The following MORC3 variants were observed in gnomAD, a reference collection of about 807,000 sequenced individuals.
The protein encoded by MORC3 is MORC family CW-type zinc finger 3, also known as MORC family CW-type zinc finger protein 3.
A neutral mutation model predicts 109.1 loss-of-function variants in MORC3; 31 were observed. The observed-to-expected ratio is 0.28, with a 90% confidence interval of 0.21 to 0.38. The LOEUF (loss-of-function observed/expected upper bound fraction) is 0.38, where lower values mean the gene tolerates loss of function less well. Among genes scored for constraint, MORC3 ranks in the 10% least tolerant of loss-of-function variants. MORC3 has a pLI of 1.00. For missense variants in MORC3, 867 were observed against 1,135.8 expected (o/e 0.76, Z 3.40); for synonymous variants, 395 against 380.7 (o/e 1.04, Z -0.44).
chr21:36,326,747 G>A (rs748868586), intron 1 of MORC3, among the ~76,000 whole-genome samples: 3 of 151,696 alleles, frequency 2.0e-5, no homozygotes, highest in Non-Finnish European at 2.9e-5. Context: ...TGTAGTGTGC[G>A]TTAGGATTTC....
chr21:36,371,791 G>A (rs2085870754), intron 15 of MORC3, among the ~76,000 whole-genome samples: 1 of 150,850 alleles, frequency 6.6e-6, no homozygotes. Flanking sequence ...TTAGTATCTT[G>A]GTTTTTCTGT....
chr21:36,339,181 G>A (rs938792757), intron 5 of MORC3: 17 of 260,268 alleles, frequency 6.5e-5, no homozygotes, highest in Admixed American at 5.2e-4. Context: ...ATGCGATGGC[G>A]CAATCTCAGC....
In MORC3 at chr21:36,332,313, G is replaced by A. The variant is rs369894085; in HGVS notation, c.40-1333G>A. 2.6e-4 allele frequency among the ~76,000 whole-genome samples: 40 copies of A among 152,252 alleles called. No homozygotes were observed. The East Asian group carries it at 5.6e-3, about 21-fold the overall frequency. On this transcript the variant is annotated intron_variant, in intron 1 of 16. Transcript: ENST00000400485. The stretch of plus-strand genomic sequence containing the variant: ...TAGCCATGTGTGGTGGTGCGCACCT[G>A]TAATCCCAGCAACTCGGGAGTCTGA...
At chr21:36,360,467 C>T (rs565626015) in intron 12 of MORC3, among the ~76,000 whole-genome samples, 68 of 152,216 alleles carry the variant, frequency 4.5e-4, no homozygotes, top group African/African-American at 1.5e-3. Flanking sequence ...GCCATATGTG[C>T]GGATGTTTTG....
rs1206896057 is a variant in MORC3 at position 36,369,802 on chromosome 21, A to G, written c.2434A>G (p.Met812Val). Residue 812 changes from methionine (M) to valine (V), a missense_variant, in exon 15 of 17, where the codon ATG becomes GTG. By Grantham distance (21) the Met-to-Val change is conservative (BLOSUM62 1). Coordinates refer to ENST00000400485, the MANE Select transcript of MORC3 (RefSeq NM_015358.3). ...NNESKSEMDE[M>V]AVQLDDVFRQ... is the part of the protein sequence containing the mutation. ...TGAGAGTAAAAGTGAAATGGATGAGATGGCTGTGCAGCTTGACGATGTGTT... is the reference window on the plus strand; with the variant it reads ...TGAGAGTAAAAGTGAAATGGATGAGGTGGCTGTGCAGCTTGACGATGTGTT... The G allele has an allele frequency of 1.2e-6, 2 of 1,614,040 alleles. No individual in the cohort carries two copies. The highest frequency in any genetic ancestry group is 1.7e-6 in the Non-Finnish European group (2 of 1,180,042).
chr21:36,335,396 A>G lies in MORC3; in HGVS notation c.113-1478A>G, dbSNP rs183322408. On this transcript the variant is annotated intron_variant, in intron 2 of 16. Transcript: ENST00000400485. Reference sequence around the variant, plus strand: ...AGTGGCACAGTCTCGGCTCACTGCAACCTCCTCTACCTCCTGGGTTCAAGC... The same window carrying G: ...AGTGGCACAGTCTCGGCTCACTGCAGCCTCCTCTACCTCCTGGGTTCAAGC... 4.8e-3 allele frequency among the ~76,000 whole-genome samples: 713 copies of G among 148,550 alleles called. 2 individuals are homozygous for G. The highest frequency in any genetic ancestry group is 7.7e-3 in the Non-Finnish European group (522 of 67,640).
At chr21:36,348,880 C>T (rs1039487950) in intron 8 of MORC3, among the ~76,000 whole-genome samples, 1 of 152,076 alleles carries the variant, frequency 6.6e-6, no homozygotes, top group African/African-American at 2.4e-5. Flanking sequence ...TGAGAATTGG[C>T]CGGACGCGGT....
In MORC3 at chr21:36,375,294, T is replaced by TA; in HGVS notation, c.*1dup. Reference sequence around the variant, plus strand: ...ACAAATGAGTGAAATCAGTAGTACTTAAAGTATATGTTATGTAAGATAAAA... The same window carrying TA: ...ACAAATGAGTGAAATCAGTAGTACTTAAAAGTATATGTTATGTAAGATAAAA... ...VEQMSEISST[*] The change falls in exon 17 of 17, where the codon TAA becomes TAAA. Residue 940 remains the stop codon, a frameshift_variant and stop_retained_variant. Coordinates refer to ENST00000400485, the MANE Select transcript of MORC3 (RefSeq NM_015358.3). LOFTEE classifies it high-confidence loss of function. The TA allele has an allele frequency of 6.2e-7, 1 of 1,608,874 alleles. No homozygotes were observed. Among genetic ancestry groups the TA allele is most frequent in the Non-Finnish European group, 8.5e-7 (1 of 1,176,178 alleles).
intron 14 of MORC3, among the ~76,000 whole-genome samples, chr21:36,367,376 G>T (rs561686518): frequency 1.6e-4 from 25 of 152,278 alleles, no homozygotes; most frequent in Non-Finnish European, 2.5e-4. Context: ...TACGCAGATC[G>T]CCCTGGATAG....
intron 8 of MORC3, among the ~76,000 whole-genome samples, chr21:36,346,952 C>G (rs1446116925): frequency 1.3e-5 from 2 of 149,202 alleles, no homozygotes; most frequent in African/African-American, 5.0e-5. Context: ...CTACACTGAG[C>G]TATGATTTTT....
intron 13 of MORC3, among the ~76,000 whole-genome samples, 190 bp downstream of exon 13, chr21:36,362,418 C>T (rs1301356907): frequency 6.6e-6 from 1 of 151,790 alleles, no homozygotes; most frequent in African/African-American, 2.4e-5. Flanking sequence ...TGGCACATAC[C>T]TGTAATCCCA....
At chr21:36,325,659 A>G (rs1395185963) in intron 1 of MORC3, among the ~76,000 whole-genome samples, 3 of 152,214 alleles carry the variant, frequency 2.0e-5, no homozygotes, top group Non-Finnish European at 4.4e-5. Context: ...GAATTTGACT[A>G]CGGTAGTCCC....
rs190267504 is a variant in MORC3, at chr21:36,369,611, C to T, written c.2243C>T (p.Thr748Ile). The change falls in exon 15 of 17, where the codon ACT becomes ATT. Residue 748 changes from threonine (T) to isoleucine (I), a missense_variant. This residue lies in a region of MORC3 where 486 missense variants were observed against 502.1 expected (regional missense o/e 0.97). Coordinates refer to ENST00000400485, the MANE Select transcript of MORC3 (RefSeq NM_015358.3). ...YVKKETCHQS[T>I]ETDAVFLLES... is the part of the protein sequence containing the mutation. ...AAGAAAGAAACTTGCCATCAGTCCA[C>T]TGAAACCGATGCTGTATTTTTACTT... The T allele has an allele frequency of 8.7e-4, 1,404 of 1,614,194 alleles. 1 individual carries two copies. Among genetic ancestry groups the T allele is most frequent in the Non-Finnish European group, 1.0e-3 (1,206 of 1,180,034 alleles).
In MORC3 at chr21:36,372,397, G is replaced by T. The variant is rs1272131942; in HGVS notation, c.2532G>T (p.Lys844Asn). The change falls in exon 16 of 17, where the codon AAG becomes AAT. Residue 844 changes from lysine (K) to asparagine (N), a missense_variant. Coordinates refer to ENST00000400485, the MANE Select transcript of MORC3 (RefSeq NM_015358.3). Reference protein sequence around the residue: ...KSEVELLEMEKSQIRSQCEEL... With the variant: ...KSEVELLEMENSQIRSQCEEL... ...AGGTTGAATTGCTGGAAATGGAAAA[G>T]TCACAAATCCGTTCACAGTGTGAAG... 1 of 1,577,252 alleles carries T rather than the reference G, an allele frequency of 6.3e-7. No individual in the cohort carries two copies. Among genetic ancestry groups the T allele is most frequent in the African/African-American group, 1.4e-5 (1 of 72,808 alleles).
At chr21:36,338,435 TCCAC>T (rs141784027) in intron 4 of MORC3, among the ~76,000 whole-genome samples, 4,006 of 152,150 alleles carry the variant, frequency 0.026, 161 homozygotes, top group African/African-American at 0.088. Context: ...TCCCTGAAAT[TCCAC>T]CACTTTGGGA....
intron 6 of MORC3, among the ~76,000 whole-genome samples, chr21:36,342,091 G>A (rs1305762510): frequency 2.0e-5 from 3 of 152,156 alleles, no homozygotes; most frequent in Admixed American, 6.5e-5. Context: ...AGTTGGGCAC[G>A]GTGGCAGGCA....
intron 8 of MORC3, among the ~76,000 whole-genome samples, chr21:36,347,562 A>G (rs2085523284): frequency 6.6e-6 from 1 of 152,218 alleles, no homozygotes; most frequent in South Asian, 2.1e-4. Flanking sequence ...ACATTAAATA[A>G]GTATCAGATA....
intron 12 of MORC3, among the ~76,000 whole-genome samples, chr21:36,361,403 G>T (rs1438028685): frequency 6.6e-6 from 1 of 150,980 alleles, no homozygotes; most frequent in African/African-American, 2.4e-5. Flanking sequence ...AATTAGCTGG[G>T]TGTGGTGGTG....
intron 12 of MORC3, among the ~76,000 whole-genome samples, chr21:36,361,375 C>T (rs2085713076): frequency 6.6e-6 from 1 of 150,642 alleles, no homozygotes; most frequent in Non-Finnish European, 1.5e-5. Flanking sequence ...GACACCCCGT[C>T]TCTACTAAAA....
Sources: gnomAD v4.1 joint callset for allele counts (sites outside exome capture counted in the v4.1 genomes callset) on GRCh38, gnomAD v4.1.1 for gene constraint, gnomAD v4.1.1 regional missense constraint, MANE v1.5 for transcripts, NCBI Gene and HGNC (gene_info 2026-07-23, HGNC 2026-07-21) for gene names.